RAB27A: variants seen among roughly 807,000 people sequenced by gnomAD.
RAB27A encodes RAB27A, member RAS oncogene family, also known as ras-related protein Rab-27A.
Under a neutral mutation model 20.8 loss-of-function variants are expected in RAB27A, and 17 were observed. The ratio of observed to expected loss-of-function variants is 0.82; its 90% CI spans 0.56 to 1.23. The LOEUF is 1.23. RAB27A is among the 50% of genes most tolerant of loss of function. The probability of loss-of-function intolerance (pLI) is 0.00; values close to 1 mark genes in which losing one functional copy is unlikely to be tolerated. For missense variants in RAB27A, 277 were observed against 266.7 expected (o/e 1.04, Z -0.27); for synonymous variants, 85 against 92.8 (o/e 0.92, Z 0.48).
At chr15:55,224,056 A>G in intron 5 of RAB27A, 44 bp from the exon 6 acceptor site, 2 of 1,441,370 alleles carry the variant, frequency 1.4e-6, no homozygotes, top group Non-Finnish European at 1.9e-6. Context: ...ATAATAATGT[A>G]AGTGTATGAT....
chr15:55,220,766 GAAACA>G (rs1464480239), intron 6 of RAB27A, among the ~76,000 whole-genome samples: 4 of 152,126 alleles, frequency 2.6e-5, no homozygotes, highest in Admixed American at 6.5e-5. Flanking sequence ...TTCTAAGAAT[GAAACA>G]AAACATCTGT....
chr15:55,218,291 T>C (rs1309840336), intron 6 of RAB27A, among the ~76,000 whole-genome samples: 2 of 152,226 alleles, frequency 1.3e-5, no homozygotes, highest in African/African-American at 4.8e-5. Flanking sequence ...CCTGGGATAT[T>C]GCAGCAAATG....
chr15:55,210,098 GTA>G (rs1325957248), intron 6 of RAB27A, among the ~76,000 whole-genome samples: 9 of 144,028 alleles, frequency 6.2e-5, no homozygotes, highest in African/African-American at 2.6e-5. Context: ...ATATATGTGT[GTA>G]TATATACACA....
In RAB27A at chr15:55,203,284, A is replaced by C. The variant is rs1263821011; in HGVS notation, c.*2223T>G. On this transcript the variant is annotated 3_prime_UTR_variant, in exon 7 of 7. Coordinates refer to ENST00000336787, the MANE Select transcript of RAB27A (RefSeq NM_183235.3). ...CTTATTTTTATGTTTAAAGACATTT[A>C]ATGTGTTATTCTAACACAAATACAC... 1 of 152,202 alleles carries C rather than the reference A, an allele frequency of 6.6e-6. No homozygotes were observed. Among genetic ancestry groups the C allele is most frequent in the Non-Finnish European group, 1.5e-5 (1 of 68,032 alleles). 9.4% of individuals were successfully genotyped at this position (152,202 alleles called of 1,614,324 possible). A position where few individuals can be genotyped will look rare whatever the true frequency, so the allele number is the denominator to read the frequency against.
intron 2 of RAB27A, among the ~76,000 whole-genome samples, chr15:55,254,673 T>C (rs1897017588): frequency 6.6e-6 from 1 of 152,184 alleles, no homozygotes; most frequent in Admixed American, 6.5e-5. Flanking sequence ...ATGTTCTCTG[T>C]AGGAGACAGA....
In RAB27A at chr15:55,230,615, C is replaced by A; in HGVS notation, c.154-129G>T. On this transcript the variant is annotated intron_variant, in intron 3 of 6. Coordinates refer to ENST00000336787, the MANE Select transcript of RAB27A (RefSeq NM_183235.3). ...AAGAGAATGCCATCTGGAATACAACCATGTTTGTATTTATGTCAAATAATT... is the reference window on the plus strand; with the variant it reads ...AAGAGAATGCCATCTGGAATACAACAATGTTTGTATTTATGTCAAATAATT... 40 of 697,622 alleles carry A rather than the reference C, an allele frequency of 5.7e-5. No individual in the cohort carries two copies. The South Asian group carries it at 6.4e-4, about 11-fold the overall frequency. The allele number at this position is 697,622 out of a possible 1,614,324, so 43.2% of individuals were successfully genotyped here. A position where few individuals can be genotyped will look rare whatever the true frequency, so the allele number is the denominator to read the frequency against.
intron 6 of RAB27A, among the ~76,000 whole-genome samples, chr15:55,219,239 A>T (rs1313039177): frequency 1.3e-5 from 2 of 152,136 alleles, no homozygotes; most frequent in Admixed American, 6.5e-5. Context: ...GTCCCTTCCC[A>T]GCCTATATCA....
chr15:55,297,213 CA>C (rs2054953110), intron 2 of RAB27A, among the ~76,000 whole-genome samples: 2 of 152,192 alleles, frequency 1.3e-5, no homozygotes, highest in South Asian at 4.1e-4. Context: ...CTTTTGAGAT[CA>C]TCTTATCTGA....
At chr15:55,215,281 T>G (rs1895226013) in intron 6 of RAB27A, among the ~76,000 whole-genome samples, 1 of 152,106 alleles carries the variant, frequency 6.6e-6, no homozygotes, top group Non-Finnish European at 1.5e-5. Flanking sequence ...GAGGAATAAA[T>G]GAGAAAACAT....
intron 2 of RAB27A, among the ~76,000 whole-genome samples, chr15:55,263,780 C>CTA (rs35144508): frequency 0.54 from 82,166 of 151,818 alleles, 23,029 homozygotes; most frequent in East Asian, 0.74. Context: ...TTCCATTAGT[C>CTA]TGTTTAATTG....
chr15:55,205,445 T>C lies in RAB27A; in HGVS notation c.*62A>G, dbSNP rs1894593701. On this transcript the variant is annotated 3_prime_UTR_variant, in exon 7 of 7. Coordinates refer to ENST00000336787, the MANE Select transcript of RAB27A (RefSeq NM_183235.3). ...CATTAATCTCTCACTGTGCCATGTA[T>C]CAATCATAGAGAAGATCCCAGGCAT... The C allele has an allele frequency of 1.2e-5, 18 of 1,512,750 alleles. No individual in the cohort carries two copies. The South Asian group carries it at 1.8e-4, about 15-fold the overall frequency. The allele number at this position is 1,512,750 out of a possible 1,614,324, so 93.7% of individuals were successfully genotyped here. A position where few individuals can be genotyped will look rare whatever the true frequency, so the allele number is the denominator to read the frequency against.
At chr15:55,312,340 C>G (rs1283870657) in intron 2 of RAB27A, among the ~76,000 whole-genome samples, 1 of 152,190 alleles carries the variant, frequency 6.6e-6, no homozygotes, top group Non-Finnish European at 1.5e-5. Context: ...GAAAACAGAG[C>G]TCCCATACAA....
chr15:55,263,664 G>C (rs1460983705), intron 2 of RAB27A, among the ~76,000 whole-genome samples: 1 of 152,138 alleles, frequency 6.6e-6, no homozygotes, highest in East Asian at 1.9e-4. Context: ...ATGTTAAAGA[G>C]GCCAGCCCAT....
Position 55,204,526 on chromosome 15 carries a change from A to C in RAB27A, c.*981T>G, listed in dbSNP as rs1398443669. 6.6e-6 allele frequency: 1 copy of C among 152,248 alleles called. No homozygotes were observed. Among genetic ancestry groups the C allele is most frequent in the African/African-American group, 2.4e-5 (1 of 41,460 alleles). The allele number at this position is 152,248 out of a possible 1,614,324, so 9.4% of individuals were successfully genotyped here. On this transcript the variant is annotated 3_prime_UTR_variant, in exon 7 of 7. Transcript: ENST00000336787. ...CAATGGAAAAGCAAAACAAGTTGCAAATATCAACAATACAGAGCCTGCTGG... is the reference window on the plus strand; with the variant it reads ...CAATGGAAAAGCAAAACAAGTTGCACATATCAACAATACAGAGCCTGCTGG...
intron 2 of RAB27A, among the ~76,000 whole-genome samples, chr15:55,259,614 ATAT>A (rs1179080335): frequency 1.3e-5 from 2 of 152,096 alleles, no homozygotes; most frequent in African/African-American, 4.8e-5. Flanking sequence ...AGCAATAAAG[ATAT>A]TCTTTTATAT....
chr15:55,275,660 A>C (rs1248936437), intron 1 of RAB27A, among the ~76,000 whole-genome samples: 1 of 151,992 alleles, frequency 6.6e-6, no homozygotes, highest in Non-Finnish European at 1.5e-5. Flanking sequence ...AACCTATAGA[A>C]GGGAAAAAAA....
chr15:55,291,490 G>A (rs1010232129), upstream of RAB27A, among the ~76,000 whole-genome samples: 3 of 130,976 alleles, frequency 2.3e-5, no homozygotes, highest in Non-Finnish European at 4.7e-5. Context: ...CAGCCTGGGC[G>A]ACCGAGCGAG....
intron 2 of RAB27A, among the ~76,000 whole-genome samples, chr15:55,266,121 G>C (rs117015313): frequency 2.1e-4 from 32 of 152,342 alleles, no homozygotes; most frequent in Non-Finnish European, 3.8e-4. Flanking sequence ...TAAGGAGGCA[G>C]GTCTTTGGGA....
At chr15:55,207,496 T>C (rs768188386) in intron 6 of RAB27A, among the ~76,000 whole-genome samples, 11 of 152,156 alleles carry the variant, frequency 7.2e-5, no homozygotes, top group Non-Finnish European at 1.2e-4. Context: ...TTTCTGCAGG[T>C]GCCATCCTAT....
Sources: gnomAD v4.1 joint callset for allele counts (sites outside exome capture counted in the v4.1 genomes callset) on GRCh38, gnomAD v4.1.1 for gene constraint, MANE v1.5 for transcripts, NCBI Gene and HGNC (gene_info 2026-07-23, HGNC 2026-07-21) for gene names.